The following MVB12A variants were observed in gnomAD, a reference collection of about 807,000 sequenced individuals.
MVB12A encodes the protein CIN85/CD2AP family binding protein.
In MVB12A, 30 loss-of-function variants were observed where a neutral mutation model predicts 34.3. The observed-to-expected ratio is 0.88, with a 90% confidence interval of 0.65 to 1.19. The LOEUF (loss-of-function observed/expected upper bound fraction) is 1.19, where lower values mean the gene tolerates loss of function less well. Among genes scored for constraint, MVB12A ranks in the 50% most tolerant of loss-of-function variants. MVB12A has a pLI of 0.00. For missense variants in MVB12A, 355 were observed against 369.2 expected, an observed-to-expected ratio of 0.96 and a Z score of 0.31; for synonymous variants, 158 against 158.9, an observed-to-expected ratio of 0.99 and a Z score of 0.04.
intron 2 of MVB12A, among the ~76,000 whole-genome samples, chr19:17,409,657 G>T (rs559322309): frequency 9.3e-4 from 139 of 149,908 alleles, no homozygotes; most frequent in Admixed American, 2.7e-3. Flanking sequence ...CTCCATGTTG[G>T]CCAGGCTGGT....
intron 8 of MVB12A, 68 bp downstream of exon 8, chr19:17,424,745 G>A (rs1218047907): frequency 5.2e-6 from 8 of 1,527,670 alleles, no homozygotes; most frequent in African/African-American, 1.4e-5. Context: ...GCCGGCACCC[G>A]CCCCTCGTCC....
At chr19:17,420,007 C>G, upstream of MVB12A, 1 of 414,248 alleles carries the variant, frequency 2.4e-6, no homozygotes, top group Non-Finnish European at 3.6e-6. Flanking sequence ...CGCTTCCGGG[C>G]AATCTCCGCC....
chr19:17,414,275 T>C (rs1049065394), intron 2 of MVB12A: 3 of 151,596 alleles, frequency 2.0e-5, no homozygotes, highest in Non-Finnish European at 4.4e-5. Context: ...AACAAGACTC[T>C]GTCTCAAAAG....
chr19:17,425,215 C>G lies in MVB12A; in HGVS notation c.*222C>G. ...TGGGGTCTCCGCCCCCACGCCCTGC[C>G]GGGCAGGGCTGGAGCTGGACAGAAG... is the stretch of plus-strand genomic sequence containing the variant. On this transcript the variant is annotated 3_prime_UTR_variant, in exon 9 of 9. Coordinates refer to ENST00000317040, the MANE Select transcript of MVB12A (RefSeq NM_138401.4). 1 of 524,788 alleles carries G rather than the reference C, an allele frequency of 1.9e-6. No homozygotes were observed. Among genetic ancestry groups the G allele is most frequent in the Non-Finnish European group, 3.4e-6 (1 of 297,940 alleles). 32.5% of individuals were successfully genotyped at this position (524,788 alleles called of 1,614,324 possible). A position where few individuals can be genotyped will look rare whatever the true frequency, so the allele number is the denominator to read the frequency against.
In MVB12A at chr19:17,422,369, G is replaced by A. The variant is rs2074843827; in HGVS notation, c.324G>A (p.Lys108=). The change falls in exon 4 of 9, where the codon AAG becomes AAA. Residue 108 remains lysine (K), a synonymous_variant. Transcript: ENST00000317040. ...CCAAGAAGAAACGCATGTGTGTGAA[G>A]CTGTTGCCCCTGGGAGCCACGGACA... ...SVSKKKRMCV[K]LLPLGATDTA... The A allele has an allele frequency of 6.2e-7, 1 of 1,613,546 alleles. No homozygotes were observed. Among genetic ancestry groups the A allele is most frequent in the Non-Finnish European group, 8.5e-7 (1 of 1,179,736 alleles).
upstream of MVB12A, chr19:17,417,051 C>CT (rs1387821759): frequency 2.0e-5 from 8 of 409,566 alleles, no homozygotes; most frequent in East Asian, 6.6e-5. Context: ...TCCTCTTCCA[C>CT]TTTTTTCCAG....
chr19:17,424,834 A>G (rs1179177122), intron 8 of MVB12A, 97 bp from the exon 9 acceptor site: 2 of 1,222,730 alleles, frequency 1.6e-6, no homozygotes, highest in East Asian at 4.7e-5. Flanking sequence ...AGACCACTCA[A>G]GTCCCTAAGT....
chr19:17,417,319 CAGTT>C (rs551130910), upstream of MVB12A: 865 of 177,286 alleles, frequency 4.9e-3, 7 homozygotes, highest in African/African-American at 0.02. Context: ...AGAATCCAGA[CAGTT>C]GGTTGGGTGT....
chr19:17,412,799 A>T (rs748912799), intron 2 of MVB12A, among the ~76,000 whole-genome samples: 9 of 152,226 alleles, frequency 5.9e-5, no homozygotes, highest in African/African-American at 9.6e-5. Context: ...AGTAAAGGAA[A>T]GATTAATTTT....
rs985523910 is a variant in MVB12A, at chr19:17,420,572, T to G, written c.224T>G (p.Ile75Ser). The change falls in exon 3 of 9, where the codon ATC (isoleucine) becomes AGC (serine). Residue 75 changes from isoleucine to serine, a missense_variant. Transcript: ENST00000317040. ...PQENVVADIQ[I>S]VVDKSPLPLG... ...GAGAACGTGGTGGCCGATATCCAGATCGTGGTGGACAAGAGCCCCCTGCCG... is the reference window on the plus strand; with the variant it reads ...GAGAACGTGGTGGCCGATATCCAGAGCGTGGTGGACAAGAGCCCCCTGCCG... 3 of 1,613,810 alleles carry G rather than the reference T, an allele frequency of 1.9e-6. No homozygotes were observed. In the African/African-American group the frequency reaches 4.0e-5, roughly 22 times the overall value.
chr19:17,413,849 T>C (rs2074783822), intron 2 of MVB12A, among the ~76,000 whole-genome samples: 1 of 152,162 alleles, frequency 6.6e-6, no homozygotes, highest in Non-Finnish European at 1.5e-5. Context: ...ACATTACAGT[T>C]CCCCATCATA....
In MVB12A at chr19:17,423,486, C is replaced by T; in HGVS notation, c.414-12C>T. 2 of 1,611,260 alleles carry T rather than the reference C, an allele frequency of 1.2e-6. No homozygotes were observed. Among genetic ancestry groups the T allele is most frequent in the Admixed American group, 1.7e-5 (1 of 59,978 alleles). On this transcript the variant is annotated splice_polypyrimidine_tract_variant and intron_variant, in intron 4 of 8. Transcript: ENST00000317040. ...CGGGCCAGCATCCCTCCCACCTTCC[C>T]TCCTGGTCCAGGGACATGGGCGGCT...
intron 2 of MVB12A, among the ~76,000 whole-genome samples, chr19:17,410,529 T>TATATATATATAC: frequency 0.013 from 925 of 73,922 alleles, 9 homozygotes; most frequent in East Asian, 0.018. Context: ...TATATATATA[T>TATATATATATAC]ACACACACAC....
upstream of MVB12A, chr19:17,417,761 C>T: frequency 4.7e-6 from 1 of 213,814 alleles, no homozygotes. Flanking sequence ...ATTTCCCGAT[C>T]CTAGTGTACT....
At chr19:17,422,579 G>A in intron 4 of MVB12A, 121 bp downstream of exon 4, 2 of 942,900 alleles carry the variant, frequency 2.1e-6, no homozygotes, top group South Asian at 4.6e-5. Flanking sequence ...CTGAGCCTCA[G>A]ATTCTGCATG....
At chr19:17,406,822 A>C (rs1345785473) in intron 2 of MVB12A, among the ~76,000 whole-genome samples, 1 of 152,102 alleles carries the variant, frequency 6.6e-6, no homozygotes, top group Non-Finnish European at 1.5e-5. Context: ...AAACCAATAA[A>C]CAAAAAAATC....
chr19:17,424,156 G>T, intron 7 of MVB12A, 89 bp downstream of exon 7: 1 of 1,307,020 alleles, frequency 7.7e-7, no homozygotes. Context: ...CCCCAGCACA[G>T]AGGGCCACAT....
At chr19:17,412,012 C>T (rs1206310318) in intron 2 of MVB12A, among the ~76,000 whole-genome samples, 1 of 152,144 alleles carries the variant, frequency 6.6e-6, no homozygotes, top group Admixed American at 6.6e-5. Context: ...TTTATTGTCA[C>T]CGCGGGGGCT....
At chr19:17,406,829 AATC>A (rs1310802508) in intron 2 of MVB12A, among the ~76,000 whole-genome samples, 1 of 152,140 alleles carries the variant, frequency 6.6e-6, no homozygotes, top group Non-Finnish European at 1.5e-5. Flanking sequence ...TAAACAAAAA[AATC>A]ACTTAGAACC....
Sources: allele counts gnomAD v4.1 joint callset (sites outside exome capture counted in the v4.1 genomes callset), GRCh38; gene constraint gnomAD v4.1.1; transcripts MANE v1.5; gene names NCBI Gene and HGNC (gene_info 2026-07-23, HGNC 2026-07-21).